GDPD4: variants seen among roughly 807,000 people sequenced by gnomAD.
The protein encoded by GDPD4 is glycerophosphodiester phosphodiesterase domain containing 4, also known as glycerophosphodiester phosphodiesterase 6.
In GDPD4, 60 loss-of-function variants were observed where a neutral mutation model predicts 67.8. The observed-to-expected ratio is 0.88, with a 90% confidence interval of 0.72 to 1.10. The LOEUF (loss-of-function observed/expected upper bound fraction) is 1.10, where lower values mean the gene tolerates loss of function less well. GDPD4 is among the 50% of genes least tolerant of loss of function. The pLI is 0.00. For synonymous variants in GDPD4, 212 were observed against 210.9 expected (o/e 1.00, Z -0.04); for missense variants, 623 against 613.9 (o/e 1.01, Z -0.16).
intron 1 of GDPD4, 115 bp downstream of exon 1, chr11:77,301,490 T>A (rs1696496193): frequency 6.6e-6 from 1 of 151,262 alleles, no homozygotes; most frequent in Non-Finnish European, 1.5e-5. Context: ...CCCGACAGAG[T>A]GAGCGAACAA....
At chr11:77,238,144 A>G (rs1190944426) in intron 13 of GDPD4, among the ~76,000 whole-genome samples, 1 of 152,182 alleles carries the variant, frequency 6.6e-6, no homozygotes, top group African/African-American at 2.4e-5. Flanking sequence ...GTGTTTTGAA[A>G]TGATTAAAAT....
chr11:77,238,850 C>T (rs1958611704), intron 13 of GDPD4, among the ~76,000 whole-genome samples: 1 of 152,004 alleles, frequency 6.6e-6, no homozygotes, highest in Non-Finnish European at 1.5e-5. Context: ...TTTACTAGGC[C>T]AGCATTACCT....
chr11:77,300,256 C>G (rs1026360268), intron 1 of GDPD4, among the ~76,000 whole-genome samples: 1 of 152,168 alleles, frequency 6.6e-6, no homozygotes. Context: ...CGGTCTAACA[C>G]TAGCCAATAG....
chr11:77,277,827 T>TAC (rs1959559564), intron 4 of GDPD4, among the ~76,000 whole-genome samples: 1 of 151,814 alleles, frequency 6.6e-6, no homozygotes, highest in African/African-American at 2.4e-5. Context: ...ATTGTGATGT[T>TAC]AGGATGTCAA....
intron 10 of GDPD4, among the ~76,000 whole-genome samples, chr11:77,264,189 T>A (rs1959166789): frequency 6.6e-6 from 1 of 152,186 alleles, no homozygotes; most frequent in African/African-American, 2.4e-5. Flanking sequence ...AGGCTTTCAC[T>A]CAGATGCAAA....
At chr11:77,295,457 G>A (rs1937922677) in intron 1 of GDPD4, among the ~76,000 whole-genome samples, 1 of 151,742 alleles carries the variant, frequency 6.6e-6, no homozygotes, top group Non-Finnish European at 1.5e-5. Flanking sequence ...CATAGTGGGA[G>A]CCCATCTCTA....
In GDPD4 at chr11:77,301,664, T is replaced by C. The variant is rs1938166993; in HGVS notation, c.-313A>G. ...CACGCCTGAGGAGACCAGCGTCTCTTAAGATGGACGCCTGGCTGGAAGGGC... is the reference window on the plus strand; with the variant it reads ...CACGCCTGAGGAGACCAGCGTCTCTCAAGATGGACGCCTGGCTGGAAGGGC... On this transcript the variant is annotated 5_prime_UTR_variant, in exon 1 of 17. Transcript: ENST00000315938. The C allele has an allele frequency of 6.6e-6, 1 of 151,976 alleles. No individual in the cohort carries two copies. The highest frequency in any genetic ancestry group is 2.4e-5 in the African/African-American group (1 of 41,330). 9.4% of individuals were successfully genotyped at this position (151,976 alleles called of 1,614,324 possible). A position where few individuals can be genotyped will look rare whatever the true frequency, so the allele number is the denominator to read the frequency against.
rs1958134354 is a variant in GDPD4 at position 77,217,069 on chromosome 11, C to T, written c.*208G>A. ...GGGTGAGTTCAAAGACCACGGTGGG[C>T]ATCGGTGGTTGAATCTCATGCTTGC... On this transcript the variant is annotated 3_prime_UTR_variant, in exon 17 of 17. Coordinates refer to ENST00000315938, the MANE Select transcript of GDPD4 (RefSeq NM_182833.3). 1.4e-6 allele frequency: 1 copy of T among 704,714 alleles called. No individual in the cohort carries two copies. The highest frequency in any genetic ancestry group is 2.7e-5 in the East Asian group (1 of 37,284). The allele number at this position is 704,714 out of a possible 1,614,324, so 43.7% of individuals were successfully genotyped here. A position where few individuals can be genotyped will look rare whatever the true frequency, so the allele number is the denominator to read the frequency against.
intron 11 of GDPD4, among the ~76,000 whole-genome samples, chr11:77,247,822 C>T (rs1317962546): frequency 1.3e-5 from 2 of 152,018 alleles, no homozygotes; most frequent in African/African-American, 2.4e-5. Flanking sequence ...AAGGCCGAGA[C>T]GGGCGAATCA....
chr11:77,239,976 T>A (rs1453927172), intron 13 of GDPD4, among the ~76,000 whole-genome samples: 7 of 137,440 alleles, frequency 5.1e-5, no homozygotes, highest in East Asian at 2.1e-4. Flanking sequence ...AAAAAAAAAA[T>A]TGGTGAAAGA....
chr11:77,269,762 C>A (rs988641994), intron 8 of GDPD4, 121 bp downstream of exon 8: 4 of 606,912 alleles, frequency 6.6e-6, no homozygotes, highest in Non-Finnish European at 1.2e-5. Context: ...ACAATGCCTG[C>A]GATAACCAGC....
chr11:77,298,697 C>T (rs1301165305), intron 1 of GDPD4, among the ~76,000 whole-genome samples: 4 of 151,966 alleles, frequency 2.6e-5, no homozygotes, highest in Non-Finnish European at 5.9e-5. Context: ...TCTTTAGGAT[C>T]GGAAGGGTCT....
In GDPD4 at chr11:77,217,242, C is replaced by T; in HGVS notation, c.*35G>A. 2 of 1,533,452 alleles carry T rather than the reference C, an allele frequency of 1.3e-6. No homozygotes were observed. Among genetic ancestry groups the T allele is most frequent in the South Asian group, 1.1e-5 (1 of 89,312 alleles). 95.0% of individuals were successfully genotyped at this position (1,533,452 alleles called of 1,614,324 possible). On this transcript the variant is annotated 3_prime_UTR_variant, in exon 17 of 17. Transcript: ENST00000315938. ...GTCCAAGGACCTTCCACAACTCGGA[C>T]AGGAGGTTTCATGGCTATGTGCAAA...
At chr11:77,288,902 C>A (rs1937662608) in intron 1 of GDPD4, among the ~76,000 whole-genome samples, 1 of 151,148 alleles carries the variant, frequency 6.6e-6, no homozygotes, top group Admixed American at 6.6e-5. Context: ...ATAAATAATA[C>A]AAAGAAATCA....
intron 10 of GDPD4, among the ~76,000 whole-genome samples, chr11:77,261,490 G>A (rs757256094): frequency 1.3e-4 from 19 of 151,550 alleles, no homozygotes; most frequent in Non-Finnish European, 1.3e-4. Context: ...TCCCTGCCTC[G>A]GCCTCCCAAA....
intron 12 of GDPD4, 35 bp downstream of exon 12, chr11:77,245,238 ACCCACCTC>A: frequency 6.7e-7 from 1 of 1,489,776 alleles, no homozygotes; most frequent in East Asian, 2.3e-5. Flanking sequence ...AGGACATGCT[ACCCACCTC>A]CCAACCTATG....
intron 1 of GDPD4, among the ~76,000 whole-genome samples, chr11:77,299,937 A>G (rs1389904759): frequency 6.6e-6 from 1 of 152,250 alleles, no homozygotes; most frequent in Non-Finnish European, 1.5e-5. Flanking sequence ...AAGCAATACT[A>G]GAGACAAAGA....
chr11:77,222,320 CGGTCT>C (rs1958243014), intron 16 of GDPD4, among the ~76,000 whole-genome samples: 1 of 152,060 alleles, frequency 6.6e-6, no homozygotes, highest in South Asian at 2.1e-4. Context: ...CTAGCTTTGA[CGGTCT>C]TTACAGTTTG....
chr11:77,253,048 C>G (rs928274450), intron 11 of GDPD4, among the ~76,000 whole-genome samples: 4 of 152,172 alleles, frequency 2.6e-5, no homozygotes, highest in African/African-American at 9.7e-5. Context: ...GTCTCACAAA[C>G]CTATTTGCCC....
Sources: allele counts gnomAD v4.1 joint callset (sites outside exome capture counted in the v4.1 genomes callset), GRCh38; gene constraint gnomAD v4.1.1; transcripts MANE v1.5; gene names NCBI Gene and HGNC (gene_info 2026-07-23, HGNC 2026-07-21).